Variants in NCAPG observed in about 807,000 individuals in gnomAD.
NCAPG encodes condensin complex subunit 3.
In NCAPG, 69 loss-of-function variants were observed where a neutral mutation model predicts 113.1. The ratio of observed to expected loss-of-function variants is 0.61; its 90% CI spans 0.50 to 0.75. NCAPG has a LOEUF of 0.75. NCAPG is among the 30% of genes least tolerant of loss of function. The probability of loss-of-function intolerance (pLI) is 0.00; values close to 1 mark genes in which losing one functional copy is unlikely to be tolerated. For missense variants in NCAPG, 1,058 were observed against 1,177.0 expected (o/e 0.90, Z 1.48); for synonymous variants, 370 against 415.8 (o/e 0.89, Z 1.34).
chr4:17,824,137 C>T (rs987731255), intron 9 of NCAPG, among the ~76,000 whole-genome samples: 4 of 152,084 alleles, frequency 2.6e-5, no homozygotes, highest in African/African-American at 9.7e-5. Context: ...GGCTTTGTGG[C>T]TTTGGACAAG....
chr4:17,840,777 A>T (rs1722333087), intron 19 of NCAPG, 84 bp downstream of exon 19: 2 of 853,312 alleles, frequency 2.3e-6, no homozygotes, highest in Admixed American at 6.6e-5. Flanking sequence ...AAGTTTTCTT[A>T]TCTTTGTTTC....
intron 13 of NCAPG, among the ~76,000 whole-genome samples, chr4:17,833,757 A>G (rs1208358055): frequency 2.6e-5 from 4 of 151,974 alleles, no homozygotes; most frequent in African/African-American, 9.7e-5. Context: ...TCTTTTCATA[A>G]AGGAGTCTAG....
rs376359825 is a variant in NCAPG at position 17,840,678 on chromosome 4, C to T, written c.2839C>T (p.Leu947=). 4.1e-5 allele frequency: 64 copies of T among 1,548,214 alleles called. No homozygotes were observed. The highest frequency in any genetic ancestry group is 1.1e-5 in the Non-Finnish European group (13 of 1,148,890). Reference sequence around the variant, plus strand: ...AACCCAAGCATCAAAGTCTACTCAGCTAAAGACTAACAGAGGTAGTGTGTG... The same window carrying T: ...AACCCAAGCATCAAAGTCTACTCAGTTAAAGACTAACAGAGGTAGTGTGTG... The part of the protein sequence containing the change: ...KATQASKSTQ[L]KTNRGQRKVT... Residue 947 remains leucine (L), a synonymous_variant, in exon 19 of 21, where the codon CTA becomes TTA. Transcript: ENST00000251496.
chr4:17,811,083 A>G lies in NCAPG; in HGVS notation c.6A>G (p.Gly2=), dbSNP rs1404886196. M[G]AERRLLSIKE... is the part of the protein sequence containing the mutation. The stretch of plus-strand genomic sequence containing the variant: ...CCCGGCAGGGTTCCAGAGCCATGGG[A>G]GCGGAAAGGAGGCTGCTGTCGATTA... The change falls in exon 1 of 21, where the codon GGA becomes GGG. Residue 2 remains glycine, a synonymous_variant. Coordinates refer to ENST00000251496, the MANE Select transcript of NCAPG (RefSeq NM_022346.5). This position sits in a 1 kb window ranked among gnomAD's most constrained non-coding sequence, Gnocchi z 5.3. 2.0e-6 allele frequency: 3 copies of G among 1,513,772 alleles called. No homozygotes were observed. Among genetic ancestry groups the G allele is most frequent in the African/African-American group, 1.4e-5 (1 of 69,968 alleles). 93.8% of individuals were successfully genotyped at this position (1,513,772 alleles called of 1,614,324 possible). A position where few individuals can be genotyped will look rare whatever the true frequency, so the allele number is the denominator to read the frequency against.
At chr4:17,825,340 C>T (rs781459030) in intron 10 of NCAPG, 42 bp from the exon 11 acceptor site, 1 of 1,484,354 alleles carries the variant, frequency 6.7e-7, no homozygotes, top group Admixed American at 2.3e-5. Context: ...TTCATATTAA[C>T]AGTTTTTGTT....
At chr4:17,817,118 T>A (rs1300852266) in intron 5 of NCAPG, 143 bp from the exon 6 acceptor site, 4 of 586,054 alleles carry the variant, frequency 6.8e-6, no homozygotes, top group South Asian at 2.5e-5. Flanking sequence ...TCTCAAAAAA[T>A]ATATATATAC....
chr4:17,825,731 G>A (rs1267810838), intron 11 of NCAPG, among the ~76,000 whole-genome samples, 170 bp downstream of exon 11: 1 of 152,010 alleles, frequency 6.6e-6, no homozygotes, highest in African/African-American at 2.4e-5. Flanking sequence ...TTTGGACTTT[G>A]AAAGGCCTTA....
intron 16 of NCAPG, 25 bp from the exon 17 acceptor site, chr4:17,839,650 CA>C (rs764874960): frequency 1.4e-6 from 2 of 1,429,010 alleles, no homozygotes; most frequent in Non-Finnish European, 1.9e-6. Context: ...CTTCAATTTA[CA>C]GAGAATTTTC....
At chr4:17,822,008 T>C (rs956027536) in intron 7 of NCAPG, among the ~76,000 whole-genome samples, 1 of 152,036 alleles carries the variant, frequency 6.6e-6, no homozygotes, top group Non-Finnish European at 1.5e-5. Flanking sequence ...AGGTAGCTGA[T>C]GGTGGTGGTG....
chr4:17,843,709 TTA>T lies in NCAPG; in HGVS notation c.*286_*287del, dbSNP rs1722653344. On this transcript the variant is annotated 3_prime_UTR_variant, in exon 21 of 21. Transcript: ENST00000251496. The stretch of plus-strand genomic sequence containing the variant: ...TCTCCAAGTGATTCTTATGAACTCT[TTA>T]TGTTTAAAATCATGTCATTATGGAA... 1 of 208,710 alleles carries T rather than the reference TTA, an allele frequency of 4.8e-6. No homozygotes were observed. Among genetic ancestry groups the T allele is most frequent in the African/African-American group, 2.3e-5 (1 of 43,700 alleles). 12.9% of individuals were successfully genotyped at this position (208,710 alleles called of 1,614,324 possible).
chr4:17,823,793 G>C (rs772782963), intron 9 of NCAPG, 23 bp downstream of exon 9: 1 of 1,571,806 alleles, frequency 6.4e-7, no homozygotes, highest in Non-Finnish European at 8.7e-7. Context: ...CCTCATTGTT[G>C]ATAAAGAGGT....
intron 7 of NCAPG, among the ~76,000 whole-genome samples, chr4:17,820,597 G>A (rs1038387859): frequency 5.9e-5 from 9 of 151,912 alleles, no homozygotes; most frequent in African/African-American, 1.9e-4. Flanking sequence ...GCAAGACTCC[G>A]TCTCAAAAAA....
chr4:17,825,280 A>C, intron 10 of NCAPG, 102 bp from the exon 11 acceptor site: 1 of 1,096,334 alleles, frequency 9.1e-7, no homozygotes, highest in Non-Finnish European at 1.3e-6. Flanking sequence ...TGACTCATTA[A>C]ATTCTGGGCA....
chr4:17,840,232 A>AT (rs1369094204), intron 18 of NCAPG, 23 bp downstream of exon 18: 2 of 1,519,726 alleles, frequency 1.3e-6, no homozygotes, highest in Non-Finnish European at 1.8e-6. Flanking sequence ...TGAACAGAAT[A>AT]TTTATAAGGT....
intron 14 of NCAPG, 67 bp downstream of exon 14, chr4:17,834,590 A>T (rs1403087631): frequency 9.6e-6 from 10 of 1,037,176 alleles, no homozygotes; most frequent in East Asian, 2.9e-5. Context: ...TATTATTATT[A>T]TTTTTTAAAT....
chr4:17,843,030 T>C (rs1342730468), intron 20 of NCAPG: 2 of 231,566 alleles, frequency 8.6e-6, no homozygotes, highest in African/African-American at 4.5e-5. Flanking sequence ...AATTACAAGC[T>C]TCATTACAAG....
rs779277845 is a variant in NCAPG at position 17,837,305 on chromosome 4, A to T, written c.2256A>T (p.Leu752=). The part of the protein sequence containing the change: ...TEEDVQLRHC[L]GVFFPVFAYA... ...AGGATGTTCAACTTCGACATTGCCT[A>T]GGCGTGTTCTTCCCCGTGTTTGCTT... Residue 752 remains leucine, a synonymous_variant, in exon 15 of 21, where the codon CTA becomes CTT. Transcript: ENST00000251496. The T allele has an allele frequency of 6.7e-5, 108 of 1,613,704 alleles. 1 individual carries two copies. In the South Asian group the frequency reaches 1.2e-3, roughly 17 times the overall value.
Position 17,811,653 on chromosome 4 carries a change from A to G in NCAPG, c.111+465A>G, listed in dbSNP as rs772759957. 6.6e-6 allele frequency among the ~76,000 whole-genome samples: 1 copy of G among 152,204 alleles called. No individual in the cohort carries two copies. Among genetic ancestry groups the G allele is most frequent in the Non-Finnish European group, 1.5e-5 (1 of 68,036 alleles). On this transcript the variant is annotated intron_variant, in intron 1 of 20. Coordinates refer to ENST00000251496, the MANE Select transcript of NCAPG (RefSeq NM_022346.5). This position sits in a 1 kb window ranked among gnomAD's most constrained non-coding sequence, Gnocchi z 5.3. ...TCCTACGGTTACGTTGAATCCAATC[A>G]CCAAATACCAAATTATTTTTAGGGC... is the stretch of plus-strand genomic sequence containing the variant.
At chr4:17,841,985 A>G (rs1368119932) in intron 19 of NCAPG, 2 of 217,432 alleles carry the variant, frequency 9.2e-6, no homozygotes, top group Non-Finnish European at 1.9e-5. Context: ...TAGCAATAAT[A>G]GAGGTACTTC....
Sources: allele counts gnomAD v4.1 joint callset (sites outside exome capture counted in the v4.1 genomes callset), GRCh38; gene constraint gnomAD v4.1.1; non-coding constraint Gnocchi (gnomAD v3.1); transcripts MANE v1.5; gene names NCBI Gene and HGNC (gene_info 2026-07-23, HGNC 2026-07-21).